Variants in RBFOX1 observed in about 807,000 individuals in gnomAD.
RBFOX1 encodes the protein RNA binding fox-1 homolog 1.
RBFOX1 carries 8 observed loss-of-function variants against 57.7 expected under a neutral mutation model. The ratio of observed to expected loss-of-function variants is 0.14; its 90% confidence interval spans 0.08 to 0.25. The LOEUF (loss-of-function observed/expected upper bound fraction) is 0.25, where lower values mean the gene tolerates loss of function less well. RBFOX1 is among the 10% of genes least tolerant of loss of function. The pLI, the probability that RBFOX1 is intolerant of heterozygous loss-of-function variation, is 1.00. For synonymous variants in RBFOX1, 326 were observed against 222.4 expected (o/e 1.47, Z -4.15); for missense variants, 611 against 548.5 (o/e 1.11, Z -1.14).
intron 3 of RBFOX1, among the ~76,000 whole-genome samples, chr16:6,803,526 T>G (rs1018703088): frequency 6.6e-6 from 1 of 152,172 alleles, no homozygotes; most frequent in Admixed American, 6.5e-5. Flanking sequence ...GATTTCCAGA[T>G]TTCCTAAATG....
rs538111603 is a variant in RBFOX1, at chr16:6,307,844, A to T, written c.-126-9151A>T. Among the ~76,000 whole-genome samples, 24 of 146,712 alleles carry T rather than the reference A, an allele frequency of 1.6e-4. No homozygotes were observed. In the South Asian group the frequency reaches 5.3e-3, roughly 33 times the overall value. On this transcript the variant is annotated intron_variant, in intron 1 of 15. Coordinates refer to ENST00000550418, the MANE Select transcript of RBFOX1 (RefSeq NM_018723.4). ...TTATGTTATTTATATGTTTATTTGG[A>T]TTATTACTTTTATATTTCTATAAAT...
chr16:7,217,292 C>CT (rs71147672), intron 4 of RBFOX1, among the ~76,000 whole-genome samples: 21,551 of 103,678 alleles, frequency 0.21, 3,186 homozygotes, highest in Middle Eastern at 0.44. Context: ...TCTTATTCTT[C>CT]TTTTTTTTTT....
At chr16:6,564,226 G>A (rs1032156878) in intron 2 of RBFOX1, among the ~76,000 whole-genome samples, 4 of 152,122 alleles carry the variant, frequency 2.6e-5, no homozygotes, top group African/African-American at 4.8e-5. Context: ...GAATGGAGTG[G>A]TGCAGAAACT....
At chr16:6,124,232 C>T (rs2096572297) in intron 1 of RBFOX1, among the ~76,000 whole-genome samples, 3 of 152,196 alleles carry the variant, frequency 2.0e-5, no homozygotes, top group Admixed American at 2.0e-4. Context: ...GCTGGGTCCA[C>T]ATTCTCCTTT....
intron 4 of RBFOX1, among the ~76,000 whole-genome samples, chr16:7,255,766 T>C (rs894739594): frequency 1.3e-5 from 2 of 152,196 alleles, no homozygotes; most frequent in Admixed American, 6.5e-5. Context: ...ATATAATCAA[T>C]ATAGAAATAT....
chr16:6,594,682 G>A (rs61608856), intron 2 of RBFOX1, among the ~76,000 whole-genome samples: 3 of 134,914 alleles, frequency 2.2e-5, no homozygotes, highest in Admixed American at 1.5e-4. Context: ...GACCCAGCAC[G>A]CTCATCTTTG....
At chr16:6,639,442 G>C (rs996396748) in intron 2 of RBFOX1, among the ~76,000 whole-genome samples, 1 of 151,954 alleles carries the variant, frequency 6.6e-6, no homozygotes, top group African/African-American at 2.4e-5. Flanking sequence ...GGCCAGTAGG[G>C]GTCTGTTTAA....
intron 4 of RBFOX1, among the ~76,000 whole-genome samples, chr16:7,054,797 C>T (rs1226723520): frequency 1.3e-5 from 2 of 152,022 alleles, no homozygotes; most frequent in South Asian, 2.1e-4. Flanking sequence ...GGACTGTGGC[C>T]GTGTTATCAT....
chr16:5,814,651 G>A (rs113548887), intron 3 of RBFOX1, among the ~76,000 whole-genome samples: 3 of 152,102 alleles, frequency 2.0e-5, no homozygotes, highest in South Asian at 4.1e-4. Flanking sequence ...ATTCCTGGCC[G>A]GGCGCGGTGG....
intron 2 of RBFOX1, among the ~76,000 whole-genome samples, chr16:5,570,561 T>A (rs1413009979): frequency 6.6e-6 from 1 of 152,170 alleles, no homozygotes; most frequent in Non-Finnish European, 1.5e-5. Context: ...CATTTCGGGT[T>A]GGATGTGGTG....
At chr16:7,447,987 T>C (rs1176099826) in intron 4 of RBFOX1, among the ~76,000 whole-genome samples, 1 of 152,192 alleles carries the variant, frequency 6.6e-6, no homozygotes, top group African/African-American at 2.4e-5. Flanking sequence ...GGTTGGGATG[T>C]AGGGATTTCC....
At chr16:6,022,292 CATAGAAT>C (rs1174198856) in intron 1 of RBFOX1, among the ~76,000 whole-genome samples, 1 of 151,380 alleles carries the variant, frequency 6.6e-6, no homozygotes, top group Admixed American at 6.6e-5. Context: ...TTATTTAATA[CATAGAAT>C]ATTTTGAAAA....
rs558465108 is a variant in RBFOX1 at position 5,474,543 on chromosome 16, A to G, written c.258+7289A>G. ...GTGGTGGGCACCTGTAATCCCAGCTATTTGGGAGGCTGAGGCAGGAGAATC... is the reference window on the plus strand; with the variant it reads ...GTGGTGGGCACCTGTAATCCCAGCTGTTTGGGAGGCTGAGGCAGGAGAATC... On this transcript the variant is annotated intron_variant, in intron 2 of 2. Transcript: ENST00000585867. Among the ~76,000 whole-genome samples, 5 of 151,924 alleles carry G rather than the reference A, an allele frequency of 3.3e-5. No individual in the cohort carries two copies. In the East Asian group the frequency reaches 9.8e-4, roughly 30 times the overall value.
intron 4 of RBFOX1, among the ~76,000 whole-genome samples, chr16:5,903,969 C>A (rs931697431): frequency 4.6e-5 from 7 of 152,128 alleles, no homozygotes; most frequent in Admixed American, 3.3e-4. Context: ...TATATGTCAC[C>A]TTCGGGCAAA....
chr16:5,915,740 G>A (rs908255226), intron 4 of RBFOX1, among the ~76,000 whole-genome samples: 6 of 152,056 alleles, frequency 3.9e-5, no homozygotes, highest in Middle Eastern at 6.3e-3. Flanking sequence ...GCTGAGGCGC[G>A]AAAATTGCTT....
At chr16:7,287,910 T>A (rs1391363240) in intron 4 of RBFOX1, among the ~76,000 whole-genome samples, 1 of 152,204 alleles carries the variant, frequency 6.6e-6, no homozygotes, top group Non-Finnish European at 1.5e-5. Flanking sequence ...CCTCGGTGTA[T>A]TTTCAAAATA....
intron 4 of RBFOX1, among the ~76,000 whole-genome samples, chr16:5,984,745 G>T (rs1179944856): frequency 6.6e-6 from 1 of 151,900 alleles, no homozygotes; most frequent in Non-Finnish European, 1.5e-5. Context: ...AAACCTAGAT[G>T]GTATAGCCTC....
chr16:5,421,073 C>A (rs971625317), intron 1 of RBFOX1, among the ~76,000 whole-genome samples: 3 of 151,698 alleles, frequency 2.0e-5, no homozygotes, highest in Non-Finnish European at 4.4e-5. Context: ...GTGGTGCAAT[C>A]TCAGCTCACT....
At chr16:5,342,914 C>A (rs1016546276) in intron 1 of RBFOX1, among the ~76,000 whole-genome samples, 1 of 151,610 alleles carries the variant, frequency 6.6e-6, no homozygotes. Flanking sequence ...ACCCCTACCC[C>A]ACAAGCCAAG....
Sources: allele counts gnomAD v4.1 joint callset (sites outside exome capture counted in the v4.1 genomes callset), GRCh38; gene constraint gnomAD v4.1.1; transcripts MANE v1.5; gene names NCBI Gene and HGNC (gene_info 2026-07-23, HGNC 2026-07-21).